RBFOX1: variants seen among roughly 807,000 people sequenced by gnomAD.
The protein encoded by RBFOX1 is RNA binding protein fox-1 homolog 1.
A neutral mutation model predicts 57.7 loss-of-function variants in RBFOX1; 8 were observed. That is an observed-to-expected ratio of 0.14 (90% CI 0.08 to 0.25). The LOEUF is 0.25. Among genes scored for constraint, RBFOX1 ranks in the 10% least tolerant of loss-of-function variants. The pLI is 1.00. For synonymous variants in RBFOX1, 326 were observed against 222.4 expected, an observed-to-expected ratio of 1.47 and a Z score of -4.15; for missense variants, 611 against 548.5, an observed-to-expected ratio of 1.11 and a Z score of -1.14.
At chr16:5,485,066 G>C (rs569234199) in intron 2 of RBFOX1, among the ~76,000 whole-genome samples, 2 of 151,612 alleles carry the variant, frequency 1.3e-5, no homozygotes, top group South Asian at 4.2e-4. Flanking sequence ...AAAAGTTAAG[G>C]CTGGGCACAG....
At chr16:5,870,497 A>T (rs2057444326) in intron 4 of RBFOX1, among the ~76,000 whole-genome samples, 1 of 152,072 alleles carries the variant, frequency 6.6e-6, no homozygotes, top group Non-Finnish European at 1.5e-5. Context: ...AGTGAGATGA[A>T]GGGAATTAGG....
chr16:5,744,200 C>A (rs1312950638), intron 3 of RBFOX1, among the ~76,000 whole-genome samples: 1 of 152,116 alleles, frequency 6.6e-6, no homozygotes. Flanking sequence ...CCACCTCACT[C>A]ATCTGGCATG....
intron 1 of RBFOX1, among the ~76,000 whole-genome samples, chr16:6,310,541 G>A (rs1031687979): frequency 6.6e-6 from 1 of 150,596 alleles, no homozygotes; most frequent in Non-Finnish European, 1.5e-5. Context: ...TCTGAGGTGG[G>A]CATTATTATA....
At chr16:6,210,829 C>T (rs1307231413) in intron 1 of RBFOX1, among the ~76,000 whole-genome samples, 1 of 152,192 alleles carries the variant, frequency 6.6e-6, no homozygotes, top group Non-Finnish European at 1.5e-5. Flanking sequence ...ACAGACTTGT[C>T]AGCTCCAGGC....
intron 5 of RBFOX1, among the ~76,000 whole-genome samples, chr16:7,567,379 CTATG>C (rs1399648127): frequency 1.5e-5 from 2 of 136,326 alleles, no homozygotes; most frequent in Admixed American, 7.7e-5. Flanking sequence ...ATATATATCC[CTATG>C]TATGGCCCTA....
intron 4 of RBFOX1, among the ~76,000 whole-genome samples, chr16:7,381,880 C>T (rs889430921): frequency 1.3e-5 from 2 of 152,160 alleles, no homozygotes; most frequent in Non-Finnish European, 2.9e-5. Context: ...TCTCTAGCCT[C>T]TCCTGACTAA....
At chr16:6,235,965 C>T (rs1424095351) in intron 1 of RBFOX1, among the ~76,000 whole-genome samples, 1 of 151,946 alleles carries the variant, frequency 6.6e-6, no homozygotes, top group Non-Finnish European at 1.5e-5. Flanking sequence ...AAAGAATTTA[C>T]TCATGTAACC....
At chr16:6,047,270 A>G (rs1185555684) in intron 1 of RBFOX1, among the ~76,000 whole-genome samples, 1 of 152,204 alleles carries the variant, frequency 6.6e-6, no homozygotes, top group Non-Finnish European at 1.5e-5. Context: ...CCAACCCCAC[A>G]CAAATACTCA....
intron 1 of RBFOX1, among the ~76,000 whole-genome samples, chr16:6,242,057 G>T (rs79902893): frequency 0.013 from 2,022 of 152,300 alleles, 26 homozygotes; most frequent in Middle Eastern, 0.061. Flanking sequence ...ATTTGAAATT[G>T]AATTCCAGGC....
intron 14 of RBFOX1, among the ~76,000 whole-genome samples, chr16:7,694,678 C>T (rs947499483): frequency 1.3e-5 from 2 of 152,134 alleles, no homozygotes; most frequent in African/African-American, 2.4e-5. Flanking sequence ...TACTAATGCC[C>T]AGTGCTAGGT....
chr16:6,995,002 C>T (rs926048428), intron 3 of RBFOX1, among the ~76,000 whole-genome samples: 2 of 145,270 alleles, frequency 1.4e-5, no homozygotes, highest in Non-Finnish European at 3.0e-5. Flanking sequence ...AATGTGTTTG[C>T]ATACGTGTGT....
chr16:7,119,855 T>C (rs758865755), intron 4 of RBFOX1, among the ~76,000 whole-genome samples: 2 of 152,100 alleles, frequency 1.3e-5, no homozygotes, highest in African/African-American at 4.8e-5. Context: ...CAACAAAACA[T>C]AGTTAAAATG....
intron 2 of RBFOX1, among the ~76,000 whole-genome samples, chr16:6,641,729 C>T (rs921815464): frequency 2.5e-5 from 3 of 118,200 alleles, no homozygotes; most frequent in South Asian, 2.4e-4. Context: ...AGCAGGACTC[C>T]GTCTCAAAAA....
chr16:5,421,227 C>T (rs371354642), intron 1 of RBFOX1, among the ~76,000 whole-genome samples: 5 of 151,736 alleles, frequency 3.3e-5, no homozygotes, highest in African/African-American at 4.8e-5. Context: ...AGGGTGGTCT[C>T]GAAATCCTGA....
chr16:6,696,606 C>T (rs947625980), intron 3 of RBFOX1, among the ~76,000 whole-genome samples: 17 of 152,208 alleles, frequency 1.1e-4, no homozygotes, highest in African/African-American at 2.6e-4. Context: ...ATGATAATTA[C>T]GTCTCTTCAT....
At chr16:5,948,919 C>T (rs2059460282) in intron 4 of RBFOX1, among the ~76,000 whole-genome samples, 1 of 152,180 alleles carries the variant, frequency 6.6e-6, no homozygotes, top group Non-Finnish European at 1.5e-5. Flanking sequence ...GGGTACATTA[C>T]ACAACAACAG....
intron 1 of RBFOX1, among the ~76,000 whole-genome samples, chr16:6,230,267 C>T (rs938852457): frequency 1.3e-5 from 2 of 152,026 alleles, no homozygotes; most frequent in African/African-American, 4.8e-5. Context: ...CTCGATTGGA[C>T]ACTTACTATA....
At chr16:7,596,201 A>G (rs2094694381) in intron 8 of RBFOX1, among the ~76,000 whole-genome samples, 1 of 146,702 alleles carries the variant, frequency 6.8e-6, no homozygotes, top group Admixed American at 6.9e-5. Flanking sequence ...GCCAGTTTGA[A>G]TTTCTGTATT....
At chr16:6,214,329 GGGGGAGAGGGAGAA>G (rs2097317184) in intron 1 of RBFOX1, among the ~76,000 whole-genome samples, 1 of 150,624 alleles carries the variant, frequency 6.6e-6, no homozygotes, top group South Asian at 2.1e-4. Flanking sequence ...GAGAGAGAGA[GGGGGAGAGGGAGAA>G]GGGGAGATGG....
Sources: gnomAD v4.1 joint callset for allele counts (sites outside exome capture counted in the v4.1 genomes callset) on GRCh38, gnomAD v4.1.1 for gene constraint, MANE v1.5 for transcripts, NCBI Gene and HGNC (gene_info 2026-07-23, HGNC 2026-07-21) for gene names.